The following ZNF678 variants were observed in gnomAD, a reference collection of about 807,000 sequenced individuals.
The protein encoded by ZNF678 is hypothetical protein MGC42493.
In ZNF678, 5 loss-of-function variants were observed where a neutral mutation model predicts 3.0. The observed-to-expected ratio is 1.69, with a 90% CI of 0.88 to 3.56. The LOEUF (loss-of-function observed/expected upper bound fraction) is 3.56. Ranked by LOEUF, ZNF678 falls within the 30% of genes most tolerant of loss-of-function variation. ZNF678 has a pLI of 0.00. For missense variants in ZNF678, 593 were observed against 605.0 expected (o/e 0.98, Z 0.21); for synonymous variants, 218 against 199.6 (o/e 1.09, Z -0.78).
chr1:227,590,218 C>A (rs1213242978), intron 1 of ZNF678, among the ~76,000 whole-genome samples: 1 of 151,776 alleles, frequency 6.6e-6, no homozygotes, highest in Non-Finnish European at 1.5e-5. Context: ...CACACTTGTA[C>A]AGGCACTTGC....
intron 5 of ZNF678, among the ~76,000 whole-genome samples, chr1:227,674,357 AATG>A (rs1416154662): frequency 6.6e-6 from 1 of 152,164 alleles, no homozygotes; most frequent in African/African-American, 2.4e-5. Context: ...ACTCAGAGTA[AATG>A]ATAATTTTAG....
chr1:227,580,408 T>G (rs1657095436), intron 1 of ZNF678, among the ~76,000 whole-genome samples: 1 of 152,198 alleles, frequency 6.6e-6, no homozygotes, highest in Non-Finnish European at 1.5e-5. Flanking sequence ...AAAATTGAAG[T>G]TATTCAAACC....
chr1:227,589,916 T>G (rs941440967), intron 1 of ZNF678, among the ~76,000 whole-genome samples: 1 of 151,822 alleles, frequency 6.6e-6, no homozygotes, highest in Non-Finnish European at 1.5e-5. Flanking sequence ...TCCTCCTTTA[T>G]TCCCCCACTT....
intron 1 of ZNF678, among the ~76,000 whole-genome samples, chr1:227,585,205 A>G (rs980586175): frequency 2.6e-5 from 4 of 152,180 alleles, no homozygotes; most frequent in African/African-American, 7.2e-5. Context: ...TTCTGTCTAG[A>G]TCTGTTATGT....
chr1:227,565,385 G>C (rs1247618731), intron 1 of ZNF678, among the ~76,000 whole-genome samples: 3 of 152,206 alleles, frequency 2.0e-5, no homozygotes, highest in African/African-American at 4.8e-5. Context: ...AGAGGATCTT[G>C]CTCTGTCATC....
rs567461828 is a variant in ZNF678 at position 227,622,121 on chromosome 1, A to G, written c.-163-24423A>G. ...CTAGGTCTTTTCTGGAAAGTCTGAC[A>G]TCTTTTAAGTTCCCATAAGAAACAT... is the stretch of plus-strand genomic sequence containing the variant. On this transcript the variant is annotated intron_variant, in intron 1 of 3. Coordinates refer to ENST00000343776, the MANE Select transcript of ZNF678 (RefSeq NM_001367909.1). Among the ~76,000 whole-genome samples, 6 of 152,348 alleles carry G rather than the reference A, an allele frequency of 3.9e-5. No individual in the cohort carries two copies. In the East Asian group the frequency reaches 7.7e-4, roughly 20 times the overall value.
In ZNF678 at chr1:227,656,392, T is replaced by C. The variant is rs148460164; in HGVS notation, c.*564T>C. 2 of 152,040 alleles carry C rather than the reference T, an allele frequency of 1.3e-5. No individual in the cohort carries two copies. The highest frequency in any genetic ancestry group is 3.9e-4 in the East Asian group (2 of 5,184). 9.4% of individuals were successfully genotyped at this position (152,040 alleles called of 1,614,324 possible). On this transcript the variant is annotated 3_prime_UTR_variant, in exon 4 of 4. Transcript: ENST00000343776. ...TTGAAGCACAGTTACATTCATGTTA[T>C]ACTTTTTTGCATTAAAAGTTTTTAT...
chr1:227,625,675 C>T lies in ZNF678; in HGVS notation c.-163-20869C>T, dbSNP rs114581038. Among the ~76,000 whole-genome samples, 1,135 of 152,118 alleles carry T rather than the reference C, an allele frequency of 7.5e-3. 11 individuals are homozygous for T. The highest frequency in any genetic ancestry group is 0.025 in the African/African-American group (1,046 of 41,480). ...TGAGGGTGGTATTAAATAGGCTTAC[C>T]GGGTGAGTATAGGTATGGAGGATTT... On this transcript the variant is annotated intron_variant, in intron 1 of 3. Coordinates refer to ENST00000343776, the MANE Select transcript of ZNF678 (RefSeq NM_001367909.1).
At chr1:227,648,391 T>C (rs532056917) in intron 2 of ZNF678, among the ~76,000 whole-genome samples, 1 of 152,324 alleles carries the variant, frequency 6.6e-6, no homozygotes, top group Non-Finnish European at 1.5e-5. Context: ...AACATAAAAA[T>C]TTGATGTGTA....
intron 1 of ZNF678, among the ~76,000 whole-genome samples, chr1:227,580,232 T>G (rs1657091041): frequency 6.6e-6 from 1 of 152,104 alleles, no homozygotes; most frequent in Admixed American, 6.6e-5. Context: ...GCCTTTCCTC[T>G]GAAGATCTGT....
In ZNF678 at chr1:227,674,869, G is replaced by GC. The variant is rs1193849714; in HGVS notation, c.227-2309dup. ...GCCTCCCAAAGTGCTGGGATTATAG[G>GC]CGTGAGCCACTGCACGCAGCCTATT... On this transcript the variant is annotated intron_variant, in intron 5 of 5. Transcript: ENST00000608949. Among the ~76,000 whole-genome samples the GC allele has an allele frequency of 7.0e-4, 107 of 152,200 alleles. 1 individual carries two copies. Among genetic ancestry groups the GC allele is most frequent in the African/African-American group, 2.5e-3 (103 of 41,530 alleles).
chr1:227,650,645 CTT>C (rs910468011), intron 2 of ZNF678, among the ~76,000 whole-genome samples: 6 of 151,868 alleles, frequency 4.0e-5, no homozygotes, highest in South Asian at 2.1e-4. Flanking sequence ...TTTGTTTTCT[CTT>C]GTTTCTTTTA....
At chr1:227,675,381 C>T (rs1659663109) in intron 5 of ZNF678, among the ~76,000 whole-genome samples, 1 of 152,134 alleles carries the variant, frequency 6.6e-6, no homozygotes, top group Non-Finnish European at 1.5e-5. Flanking sequence ...TTGTTTAAGC[C>T]ACCAAGTTAT....
intron 1 of ZNF678, among the ~76,000 whole-genome samples, chr1:227,582,038 G>T (rs1287955634): frequency 6.6e-6 from 1 of 151,950 alleles, no homozygotes; most frequent in Admixed American, 6.6e-5. Context: ...ATGTTTAATG[G>T]CCATCTGAAG....
intron 2 of ZNF678, 61 bp downstream of exon 2, chr1:227,646,731 T>G: frequency 3.1e-6 from 4 of 1,307,400 alleles, no homozygotes; most frequent in Non-Finnish European, 4.0e-6. Context: ...TATTTTTCAC[T>G]CCTGAAATGT....
At chr1:227,589,616 C>T (rs764913496) in intron 1 of ZNF678, among the ~76,000 whole-genome samples, 8 of 151,522 alleles carry the variant, frequency 5.3e-5, no homozygotes, top group Non-Finnish European at 8.8e-5. Context: ...AGGGGGTCCA[C>T]GTGAGAGGGC....
intron 2 of ZNF678, among the ~76,000 whole-genome samples, 165 bp from the exon 3 acceptor site, chr1:227,650,791 T>C (rs1343310005): frequency 1.3e-5 from 2 of 152,204 alleles, no homozygotes; most frequent in African/African-American, 4.8e-5. Flanking sequence ...AAAACTGATA[T>C]TTGTATAACC....
At chr1:227,612,937 G>A (rs1658056073) in intron 1 of ZNF678, among the ~76,000 whole-genome samples, 1 of 152,142 alleles carries the variant, frequency 6.6e-6, no homozygotes, top group Non-Finnish European at 1.5e-5. Flanking sequence ...GTCAGTCCTG[G>A]CCCCTTTTGG....
At chr1:227,673,124 A>G (rs1467393989) in intron 5 of ZNF678, among the ~76,000 whole-genome samples, 1 of 152,184 alleles carries the variant, frequency 6.6e-6, no homozygotes, top group Non-Finnish European at 1.5e-5. Flanking sequence ...GAACTCAGAA[A>G]GTGAGCTGAC....
Sources: allele counts gnomAD v4.1 joint callset (sites outside exome capture counted in the v4.1 genomes callset), GRCh38; gene constraint gnomAD v4.1.1; transcripts MANE v1.5; gene names NCBI Gene and HGNC (gene_info 2026-07-23, HGNC 2026-07-21).